KDM6A: variants seen among roughly 807,000 people sequenced by gnomAD.
KDM6A encodes lysine-specific demethylase 6A.
KDM6A carries 11 observed loss-of-function variants against 117.6 expected under a neutral mutation model. The observed-to-expected ratio is 0.09, with a 90% confidence interval of 0.06 to 0.15. The LOEUF (loss-of-function observed/expected upper bound fraction) is 0.15. KDM6A is among the 10% of genes least tolerant of loss of function. The pLI is 1.00. For missense variants in KDM6A, 799 were observed against 1,077.3 expected, an observed-to-expected ratio of 0.74 and a Z score of 3.62; for synonymous variants, 384 against 396.1, an observed-to-expected ratio of 0.97 and a Z score of 0.36.
intron 4 of KDM6A, among the ~76,000 whole-genome samples, chrX:45,004,034 A>G (rs1602533330): frequency 2.7e-5 from 3 of 110,230 alleles, no homozygotes; most frequent in East Asian, 5.7e-4. Context: ...AAGATAAAAG[A>G]GACAGAGCCC....
At chrX:45,079,479 T>C in intron 21 of KDM6A, 128 bp downstream of exon 21, 1 of 495,358 alleles carries the variant, frequency 2.0e-6, no homozygotes, top group Non-Finnish European at 3.5e-6. Context: ...TTGTAAGTGT[T>C]CTCCAGTTGT....
intron 3 of KDM6A, 150 bp from the exon 4 acceptor site, chrX:44,974,516 A>G: frequency 2.1e-6 from 1 of 470,522 alleles, no homozygotes; most frequent in Non-Finnish European, 3.8e-6. Flanking sequence ...TTCTGAACTG[A>G]GGGGGGCCCA....
chrX:44,980,286 C>T (rs1343348958), intron 4 of KDM6A, among the ~76,000 whole-genome samples: 1 of 111,416 alleles, frequency 9.0e-6, no homozygotes, highest in African/African-American at 3.3e-5. Flanking sequence ...GAGCCACCGC[C>T]CGCATCTGGC....
At chrX:44,992,069 ATAC>A (rs1295452044) in intron 4 of KDM6A, among the ~76,000 whole-genome samples, 2 of 110,859 alleles carry the variant, frequency 1.8e-5, no homozygotes, top group Non-Finnish European at 3.8e-5. Flanking sequence ...CTTCCTGGGT[ATAC>A]TTTAGAGTAA....
At chrX:45,101,541 T>C (rs2046340786) in intron 27 of KDM6A, among the ~76,000 whole-genome samples, 1 of 110,770 alleles carries the variant, frequency 9.0e-6, no homozygotes, top group Non-Finnish European at 1.9e-5. Context: ...TGCTACTAGC[T>C]TTTTTGAGTA....
chrX:44,921,908 T>A (rs1342881111), intron 2 of KDM6A, among the ~76,000 whole-genome samples: 1 of 108,381 alleles, frequency 9.2e-6, no homozygotes, highest in Non-Finnish European at 1.9e-5. Context: ...TTTATATTCC[T>A]ACTAACAATG....
chrX:45,049,786 C>T (rs1005725227), intron 8 of KDM6A, among the ~76,000 whole-genome samples: 3 of 112,064 alleles, frequency 2.7e-5, no homozygotes, highest in Non-Finnish European at 3.8e-5. Flanking sequence ...ACTTAATATG[C>T]GCTCGTTCTT....
intron 25 of KDM6A, among the ~76,000 whole-genome samples, chrX:45,089,466 C>T (rs1470851684): frequency 9.4e-6 from 1 of 105,907 alleles, no homozygotes; most frequent in Non-Finnish European, 1.9e-5. Flanking sequence ...GCGGAGGTTG[C>T]AGTGAGCCTA....
chrX:44,965,366 A>G (rs2038953162), intron 3 of KDM6A, among the ~76,000 whole-genome samples: 1 of 112,370 alleles, frequency 8.9e-6, no homozygotes, highest in African/African-American at 3.2e-5. Flanking sequence ...GTTTGGCACA[A>G]GAGGCCTAGC....
At chrX:44,955,470 C>T (rs1465526290) in intron 2 of KDM6A, among the ~76,000 whole-genome samples, 1 of 110,721 alleles carries the variant, frequency 9.0e-6, no homozygotes, top group Non-Finnish European at 1.9e-5. Context: ...TTTAATTATC[C>T]ACAGGTATTA....
chrX:44,988,632 G>C (rs931022394), intron 4 of KDM6A, among the ~76,000 whole-genome samples: 1 of 111,518 alleles, frequency 9.0e-6, no homozygotes, highest in African/African-American at 3.3e-5. Flanking sequence ...CTAACAGTCA[G>C]GACCCTCAGC....
At chrX:44,908,097 T>C (rs978440190) in intron 2 of KDM6A, among the ~76,000 whole-genome samples, 4 of 111,500 alleles carry the variant, frequency 3.6e-5, no homozygotes, top group Non-Finnish European at 7.5e-5. Context: ...TTAGTTCTTA[T>C]TCAGTTTTTT....
At position 44,991,838 on chromosome X, in the gene KDM6A, C is replaced by T. The variant is rs148871254; in HGVS notation, c.384+17123C>T. 6.6e-3 allele frequency among the ~76,000 whole-genome samples: 673 copies of T among 102,703 alleles called. 1 individual carries two copies. Among genetic ancestry groups the T allele is most frequent in the Non-Finnish European group, 9.1e-3 (472 of 52,012 alleles). 89.2% of individuals were successfully genotyped at this position (102,703 alleles called of 115,157 possible). A position where few individuals can be genotyped will look rare whatever the true frequency, so the allele number is the denominator to read the frequency against. ...AGTAGCTGGGATTACAGCTGTGCACCACTACGCCTGACTAATTTTTTTTTT... is the reference window on the plus strand; with the variant it reads ...AGTAGCTGGGATTACAGCTGTGCACTACTACGCCTGACTAATTTTTTTTTT... On this transcript the variant is annotated intron_variant, in intron 4 of 29. Transcript: ENST00000611820.
intron 2 of KDM6A, among the ~76,000 whole-genome samples, chrX:44,909,091 C>T (rs1281677768): frequency 1.8e-5 from 2 of 111,853 alleles, no homozygotes; most frequent in African/African-American, 6.5e-5. Context: ...CTTGCCCCTT[C>T]ATAGTTAATA....
chrX:45,085,452 A>C (rs1483564719), intron 24 of KDM6A, among the ~76,000 whole-genome samples: 2 of 111,638 alleles, frequency 1.8e-5, no homozygotes, highest in African/African-American at 6.5e-5. Flanking sequence ...AAGCACTGTT[A>C]TATGCATTCA....
chrX:44,995,669 A>G (rs1020827180), intron 4 of KDM6A, among the ~76,000 whole-genome samples: 2 of 110,272 alleles, frequency 1.8e-5, no homozygotes, highest in Non-Finnish European at 3.8e-5. Context: ...GAGTTTCCCC[A>G]TGTTGCCAGG....
At chrX:45,044,759 A>G (rs1400836312) in intron 8 of KDM6A, among the ~76,000 whole-genome samples, 1 of 111,799 alleles carries the variant, frequency 8.9e-6, no homozygotes, top group Non-Finnish European at 1.9e-5. Context: ...TTACATATAG[A>G]TGTACAGTTA....
At chrX:44,888,688 G>T (rs1015227647) in intron 2 of KDM6A, among the ~76,000 whole-genome samples, 2 of 111,870 alleles carry the variant, frequency 1.8e-5, no homozygotes, top group South Asian at 3.6e-4. Context: ...GTTAGTTTTA[G>T]ACTGGTTTGA....
intron 2 of KDM6A, among the ~76,000 whole-genome samples, chrX:44,939,560 G>A (rs2037171357): frequency 1.8e-5 from 2 of 112,298 alleles, no homozygotes; most frequent in Admixed American, 9.4e-5. Flanking sequence ...TGACAACAAA[G>A]GATTTAGGAT....
Sources: allele counts gnomAD v4.1 joint callset (sites outside exome capture counted in the v4.1 genomes callset), GRCh38; gene constraint gnomAD v4.1.1; transcripts MANE v1.5; gene names NCBI Gene and HGNC (gene_info 2026-07-23, HGNC 2026-07-21).